CCL17: variants seen among roughly 807,000 people sequenced by gnomAD.
CCL17 encodes the protein C-C motif chemokine 17.
A neutral mutation model predicts 7.4 loss-of-function variants in CCL17; 8 were observed. The ratio of observed to expected loss-of-function variants is 1.09; its 90% CI spans 0.64 to 1.96. The LOEUF (loss-of-function observed/expected upper bound fraction) is 1.96. Among genes scored for constraint, CCL17 ranks in the 30% most tolerant of loss-of-function variants. CCL17 has a pLI of 0.00. For missense variants in CCL17, 102 were observed against 113.0 expected (o/e 0.90, Z 0.44); for synonymous variants, 40 against 46.1 (o/e 0.87, Z 0.54).
chr16:57,411,622 C>T (rs746125514), intron 1 of CCL17, among the ~76,000 whole-genome samples: 3 of 152,222 alleles, frequency 2.0e-5, no homozygotes, highest in Non-Finnish European at 2.9e-5. Flanking sequence ...GTGGCCTCTG[C>T]GGCAAGTGGA....
At chr16:57,413,032 G>T (rs1598013522) in intron 1 of CCL17, among the ~76,000 whole-genome samples, 1 of 152,168 alleles carries the variant, frequency 6.6e-6, no homozygotes, top group Non-Finnish European at 1.5e-5. Flanking sequence ...TCAGCTCAGG[G>T]CCTGGCTCAG....
upstream of CCL17, among the ~76,000 whole-genome samples, chr16:57,401,762 C>T (rs1902594886): frequency 6.6e-6 from 1 of 152,050 alleles, no homozygotes; most frequent in African/African-American, 2.4e-5. Context: ...ACGCTGATGC[C>T]CTACCCAGGC....
Position 57,415,980 on chromosome 16 carries a change from A to G in CCL17, c.*119A>G. The G allele has an allele frequency of 1.5e-6, 1 of 661,816 alleles. No homozygotes were observed. Among genetic ancestry groups the G allele is most frequent in the South Asian group, 1.7e-5 (1 of 57,534 alleles). The allele number at this position is 661,816 out of a possible 1,614,324, so 41.0% of individuals were successfully genotyped here. A position where few individuals can be genotyped will look rare whatever the true frequency, so the allele number is the denominator to read the frequency against. Reference sequence around the variant, plus strand: ...AGGGGAGGCCTTCCAGGGACGAAGAAGAGCCACAGTGAGGGAGATCCCATC... The same window carrying G: ...AGGGGAGGCCTTCCAGGGACGAAGAGGAGCCACAGTGAGGGAGATCCCATC... On this transcript the variant is annotated 3_prime_UTR_variant, in exon 4 of 4. Transcript: ENST00000219244. The surrounding 1 kb of genome is among the most constrained non-coding windows in gnomAD (Gnocchi z 4.5).
chr16:57,402,863 G>A (rs190760487), upstream of CCL17, among the ~76,000 whole-genome samples: 2 of 151,570 alleles, frequency 1.3e-5, no homozygotes, highest in African/African-American at 4.8e-5. Flanking sequence ...ACCATGTGCC[G>A]AGATATATTC....
At chr16:57,397,347 GC>G in the CCL17 span, among the ~76,000 whole-genome samples, 2 of 152,194 alleles carry the variant, frequency 1.3e-5, no homozygotes, top group Admixed American at 6.5e-5. Context: ...TCCACTGGCT[GC>G]CCTCTTCTGT....
chr16:57,401,753 C>T (rs62037104), upstream of CCL17, among the ~76,000 whole-genome samples: 3 of 152,034 alleles, frequency 2.0e-5, no homozygotes, highest in Non-Finnish European at 2.9e-5. Context: ...TGGTTAGCAA[C>T]GCTGATGCCC....
In CCL17 at chr16:57,415,289, G is replaced by C; in HGVS notation, c.188+91G>C. 1 of 861,944 alleles carries C rather than the reference G, an allele frequency of 1.2e-6. No individual in the cohort carries two copies. Among genetic ancestry groups the C allele is most frequent in the Non-Finnish European group, 2.0e-6 (1 of 504,082 alleles). The allele number at this position is 861,944 out of a possible 1,614,324, so 53.4% of individuals were successfully genotyped here. ...TCCCAGGACGGCCAATGGGGAGCAG[G>C]GAAGAGACAGCGGGGCCTTCCTCCC... is the stretch of plus-strand genomic sequence containing the variant. On this transcript the variant is annotated intron_variant, in intron 3 of 3. Coordinates refer to ENST00000219244, the MANE Select transcript of CCL17 (RefSeq NM_002987.3). This position sits in a 1 kb window ranked among gnomAD's most constrained non-coding sequence, Gnocchi z 4.5.
At chr16:57,407,271 G>T (rs911375875) in intron 1 of CCL17, among the ~76,000 whole-genome samples, 9 of 152,116 alleles carry the variant, frequency 5.9e-5, no homozygotes, top group Non-Finnish European at 1.2e-4. Context: ...GATGAATAAA[G>T]GTTGAGATCC....
chr16:57,414,020 G>T lies in CCL17; in HGVS notation c.70+18G>T. ...CCACGCAGGTGAGAGCAGGGGACAG[G>T]TGGCCAGGGGCAGGCACCGGGAGGA... is the stretch of plus-strand genomic sequence containing the variant. On this transcript the variant is annotated intron_variant, in intron 2 of 3. Transcript: ENST00000219244. The T allele has an allele frequency of 6.2e-7, 1 of 1,606,008 alleles. No homozygotes were observed. Among genetic ancestry groups the T allele is most frequent in the East Asian group, 2.2e-5 (1 of 44,706 alleles).
upstream of CCL17, among the ~76,000 whole-genome samples, chr16:57,404,033 C>T (rs769044150): frequency 4.6e-5 from 7 of 152,076 alleles, no homozygotes; most frequent in South Asian, 2.1e-4. Flanking sequence ...AAGAACAGTC[C>T]GTGCAAACCT....
At chr16:57,398,763 G>A in the CCL17 span, among the ~76,000 whole-genome samples, 1 of 152,196 alleles carries the variant, frequency 6.6e-6, no homozygotes, top group East Asian at 1.9e-4. Context: ...GAAAGTTCAA[G>A]ATATCTAGAG....
upstream of CCL17, among the ~76,000 whole-genome samples, chr16:57,403,414 TATTATATTATAATA>T: frequency 4.7e-5 from 1 of 21,120 alleles, no homozygotes; most frequent in Non-Finnish European, 6.7e-5. Context: ...ATAATATATA[TATTATATTATAATA>T]TATATTATAA....
intron 1 of CCL17, among the ~76,000 whole-genome samples, chr16:57,409,501 A>G (rs1902751436): frequency 6.6e-6 from 1 of 152,150 alleles, no homozygotes; most frequent in South Asian, 2.1e-4. Flanking sequence ...CCTTGCTCAG[A>G]CTTGTGTTTT....
At chr16:57,400,175 C>T (rs148722531), upstream of CCL17, among the ~76,000 whole-genome samples, 1,407 of 152,080 alleles carry the variant, frequency 9.3e-3, 15 homozygotes, top group African/African-American at 0.03. Context: ...CTGGCTAACG[C>T]GGTGAAACCC....
At chr16:57,403,385 T>A (rs1902626710), upstream of CCL17, among the ~76,000 whole-genome samples, 1 of 20,094 alleles carries the variant, frequency 5.0e-5, no homozygotes, top group South Asian at 1.6e-3. Flanking sequence ...TAACATATAT[T>A]ATATATAATA....
chr16:57,403,486 TAATA>T (rs1567561089), upstream of CCL17, among the ~76,000 whole-genome samples: 1 of 2,698 alleles, frequency 3.7e-4, no homozygotes, highest in Non-Finnish European at 8.9e-4. Flanking sequence ...TATTATATAA[TAATA>T]TATATATTAT....
chr16:57,406,020 C>T (rs145598089), intron 1 of CCL17, among the ~76,000 whole-genome samples: 4,103 of 148,080 alleles, frequency 0.028, 83 homozygotes, highest in South Asian at 0.089. Flanking sequence ...CCAGCCTGGG[C>T]GAAAGAGCAA....
At chr16:57,399,920 C>G (rs1902568003), upstream of CCL17, among the ~76,000 whole-genome samples, 1 of 152,182 alleles carries the variant, frequency 6.6e-6, no homozygotes, top group Non-Finnish European at 1.5e-5. Context: ...CACAGAAAGC[C>G]AATCACTGAG....
chr16:57,415,126 A>C lies in CCL17; in HGVS notation c.116A>C (p.Lys39Thr), dbSNP rs769417895. Residue 39 changes from lysine (K) to threonine (T), a missense_variant, in exon 3 of 4, where the codon AAG becomes ACG. Coordinates refer to ENST00000219244, the MANE Select transcript of CCL17 (RefSeq NM_002987.3). The surrounding 1 kb of genome is among the most constrained non-coding windows in gnomAD (Gnocchi z 4.5). ...CGGGAGTGCTGCCTGGAGTACTTCA[A>C]GGGAGCCATTCCCCTTAGAAAGCTG... is the stretch of plus-strand genomic sequence containing the variant. ...VGRECCLEYFKGAIPLRKLKT... is the reference protein window; with the variant it reads ...VGRECCLEYFTGAIPLRKLKT... 1 of 1,613,922 alleles carries C rather than the reference A, an allele frequency of 6.2e-7. No individual in the cohort carries two copies. The highest frequency in any genetic ancestry group is 1.3e-5 in the African/African-American group (1 of 74,910).
Sources: allele counts gnomAD v4.1 joint callset (sites outside exome capture counted in the v4.1 genomes callset), GRCh38; gene constraint gnomAD v4.1.1; non-coding constraint Gnocchi (gnomAD v3.1); transcripts MANE v1.5; gene names NCBI Gene and HGNC (gene_info 2026-07-23, HGNC 2026-07-21).